Variants in ADCY10 observed in about 807,000 individuals in gnomAD.
ADCY10 encodes adenylate cyclase 10, also known as adenylate cyclase type 10.
A neutral mutation model predicts 183.3 loss-of-function variants in ADCY10; 156 were observed. That is an observed-to-expected ratio of 0.85 (90% confidence interval 0.75 to 0.97). The LOEUF is 0.97. ADCY10 is among the 50% of genes least tolerant of loss of function. ADCY10 has a pLI of 0.00. For missense variants in ADCY10, 1,745 were observed against 1,934.3 expected, an observed-to-expected ratio of 0.90 and a Z score of 1.84; for synonymous variants, 645 against 670.0, an observed-to-expected ratio of 0.96 and a Z score of 0.58.
rs1166597900 is a variant in ADCY10, at chr1:167,856,246, A to G, written c.2090T>C (p.Ile697Thr). 4 of 1,613,884 alleles carry G rather than the reference A, an allele frequency of 2.5e-6. No homozygotes were observed. Among genetic ancestry groups the G allele is most frequent in the African/African-American group, 2.7e-5 (2 of 75,024 alleles). The change falls in exon 17 of 33, where the codon ATT (isoleucine) becomes ACT (threonine). Residue 697 changes from isoleucine (I) to threonine (T), a missense_variant. By Grantham distance (89) the Ile-to-Thr change is moderately conservative. Transcript: ENST00000367851. ...GATGTCGTTAGGCTGTACTGCACCA[A>G]TGACAATGTAGGTGGTGTTCCTGTT... ...IKNRNTTYIV[I>T]GAVQPNDISN... is the part of the protein sequence containing the mutation.
chr1:167,826,907 T>C (rs766222116), intron 26 of ADCY10, among the ~76,000 whole-genome samples: 99 of 152,272 alleles, frequency 6.5e-4, no homozygotes, highest in Non-Finnish European at 4.1e-4. Flanking sequence ...AGGACCAATA[T>C]GGCTGGGCTT....
intron 12 of ADCY10, among the ~76,000 whole-genome samples, chr1:167,877,565 G>A (rs943540455): frequency 6.6e-6 from 1 of 151,642 alleles, no homozygotes; most frequent in Admixed American, 6.6e-5. Flanking sequence ...CAAGCACTGG[G>A]GATATAAGAA....
At chr1:167,819,613 A>G (rs1662755137) in intron 30 of ADCY10, among the ~76,000 whole-genome samples, 1 of 151,524 alleles carries the variant, frequency 6.6e-6, no homozygotes. Flanking sequence ...CCCAGGCTGG[A>G]GTGCAATGGC....
chr1:167,848,794 G>A (rs976876579), intron 18 of ADCY10, among the ~76,000 whole-genome samples: 3 of 151,924 alleles, frequency 2.0e-5, no homozygotes, highest in Non-Finnish European at 2.9e-5. Context: ...GATTACAGCC[G>A]CCCACTACCA....
intron 8 of ADCY10, among the ~76,000 whole-genome samples, chr1:167,888,240 G>T (rs1169311651): frequency 6.6e-6 from 1 of 152,110 alleles, no homozygotes; most frequent in Non-Finnish European, 1.5e-5. Flanking sequence ...TTTTGCTTCA[G>T]ATAGCTTTGG....
rs1197236160 is a variant in ADCY10, at chr1:167,833,067, G to A, written c.3513C>T (p.Ser1171=). The A allele has an allele frequency of 1.2e-6, 2 of 1,614,068 alleles. No homozygotes were observed. Among genetic ancestry groups the A allele is most frequent in the African/African-American group, 1.3e-5 (1 of 74,918 alleles). ...TCTCGACATGGATATGGAGAAACAA[G>A]GAGATTAAGTTGTAAGGAAAGATTC... ...LNRIFPYNLI[S]LFLHIHVEKN... Residue 1171 remains serine (S), a synonymous_variant, in exon 25 of 33, where the codon TCC becomes TCT. Transcript: ENST00000367851.
At chr1:167,818,734 T>C (rs1662683975) in intron 30 of ADCY10, among the ~76,000 whole-genome samples, 1 of 152,226 alleles carries the variant, frequency 6.6e-6, no homozygotes, top group African/African-American at 2.4e-5. Flanking sequence ...ATACGGGGTT[T>C]CACCATGTTG....
At chr1:167,870,135 T>A (rs550558609) in intron 14 of ADCY10, 122 bp downstream of exon 14, 1 of 1,103,240 alleles carries the variant, frequency 9.1e-7, no homozygotes. Flanking sequence ...ACAAGGGTCA[T>A]GGCATCCAAT....
At chr1:167,859,753 T>A (rs1666157599) in intron 16 of ADCY10, 54 bp downstream of exon 16, 1 of 1,343,360 alleles carries the variant, frequency 7.4e-7, no homozygotes, top group Admixed American at 1.7e-5. Context: ...CCTGGCTTTG[T>A]GGTGATTTGC....
chr1:167,812,082 C>A (rs1662248661), intron 31 of ADCY10, among the ~76,000 whole-genome samples: 1 of 152,156 alleles, frequency 6.6e-6, no homozygotes, highest in Admixed American at 6.5e-5. Context: ...TCCTGAAGAA[C>A]CTGCGTACAA....
At chr1:167,818,458 A>C (rs750369034) in intron 30 of ADCY10, 191 bp from the exon 31 acceptor site, 8 of 705,234 alleles carry the variant, frequency 1.1e-5, no homozygotes, top group Middle Eastern at 2.3e-4. Context: ...GAAATAATAA[A>C]TTTTTTTGAT....
chr1:167,838,773 A>C (rs532635102), intron 21 of ADCY10, among the ~76,000 whole-genome samples: 1 of 152,244 alleles, frequency 6.6e-6, no homozygotes, highest in Non-Finnish European at 1.5e-5. Context: ...TGAATGTGTA[A>C]TAGGCATTTC....
Position 167,883,515 on chromosome 1 carries a change from G to A in ADCY10, c.942C>T (p.Ile314=). ...AAGTGATGTGCATATAGGCATCCTG[G>A]ATGGCTGGGCCTATCTCTTCTGCTT... ...QDKAEEIGPA[I]QDAYMHITSV... The change falls in exon 9 of 33, where the codon ATC becomes ATT. Residue 314 remains isoleucine (I), a synonymous_variant. Transcript: ENST00000367851. 1.2e-6 allele frequency: 2 copies of A among 1,614,232 alleles called. No homozygotes were observed. The highest frequency in any genetic ancestry group is 1.7e-6 in the Non-Finnish European group (2 of 1,180,038).
At chr1:167,869,796 G>A (rs1258617872) in intron 14 of ADCY10, among the ~76,000 whole-genome samples, 3 of 151,922 alleles carry the variant, frequency 2.0e-5, no homozygotes, top group Non-Finnish European at 2.9e-5. Flanking sequence ...GCACCTTGAC[G>A]AGCTCGGATT....
chr1:167,861,485 G>T (rs1183925734), intron 14 of ADCY10, among the ~76,000 whole-genome samples: 3 of 152,192 alleles, frequency 2.0e-5, no homozygotes, highest in African/African-American at 7.2e-5. Flanking sequence ...GCAAGCAGGT[G>T]AGAGTTCCCT....
At chr1:167,826,481 C>A (rs901812476) in intron 26 of ADCY10, among the ~76,000 whole-genome samples, 1 of 152,204 alleles carries the variant, frequency 6.6e-6, no homozygotes, top group East Asian at 1.9e-4. Context: ...CTGAGGGGAG[C>A]GCTTCTTTGC....
intron 5 of ADCY10, among the ~76,000 whole-genome samples, 177 bp downstream of exon 5, chr1:167,901,485 C>T (rs144021324): frequency 1.1e-3 from 167 of 152,266 alleles, no homozygotes; most frequent in East Asian, 5.2e-3. Context: ...CCCAAATTCT[C>T]TCAACTGGTA....
rs369553584 is a variant in ADCY10, at chr1:167,829,912, A to G, written c.3594-489T>C. ...CCCAATGTATTATTTTCTCCATTGCACACTGCTTTCAGGAACTACTTCTCA... is the reference window on the plus strand; with the variant it reads ...CCCAATGTATTATTTTCTCCATTGCGCACTGCTTTCAGGAACTACTTCTCA... On this transcript the variant is annotated intron_variant, in intron 25 of 32. Coordinates refer to ENST00000367851, the MANE Select transcript of ADCY10 (RefSeq NM_018417.6). Among the ~76,000 whole-genome samples the G allele has an allele frequency of 2.6e-4, 39 of 152,342 alleles. 3 individuals are homozygous for G. Among genetic ancestry groups the G allele is most frequent in the East Asian group, 1.7e-3 (9 of 5,188 alleles).
chr1:167,898,350 C>T (rs1363398253), intron 6 of ADCY10, among the ~76,000 whole-genome samples: 3 of 152,046 alleles, frequency 2.0e-5, no homozygotes, highest in Non-Finnish European at 4.4e-5. Context: ...CCTATAATCC[C>T]AGCACTTTGG....
Sources: gnomAD v4.1 joint callset for allele counts (sites outside exome capture counted in the v4.1 genomes callset) on GRCh38, gnomAD v4.1.1 for gene constraint, MANE v1.5 for transcripts, NCBI Gene and HGNC (gene_info 2026-07-23, HGNC 2026-07-21) for gene names.